Variants in ZBTB21 observed in about 807,000 individuals in gnomAD.
ZBTB21 encodes the protein zinc finger and BTB domain containing 21.
Under a neutral mutation model 39.8 loss-of-function variants are expected in ZBTB21, and 10 were observed. That is an observed-to-expected ratio of 0.25 (90% CI 0.16 to 0.43). ZBTB21 has a LOEUF of 0.43. Ranked by LOEUF, ZBTB21 falls within the 20% of genes least tolerant of loss-of-function variation. The pLI, the probability that ZBTB21 is intolerant of heterozygous loss-of-function variation, is 1.00. For synonymous variants in ZBTB21, 551 were observed against 498.8 expected, an observed-to-expected ratio of 1.10 and a Z score of -1.40; for missense variants, 1,221 against 1,296.3, an observed-to-expected ratio of 0.94 and a Z score of 0.89.
At chr21:42,000,203 G>C (rs2065801026) in intron 2 of ZBTB21, among the ~76,000 whole-genome samples, 1 of 152,152 alleles carries the variant, frequency 6.6e-6, no homozygotes, top group Non-Finnish European at 1.5e-5. Flanking sequence ...GATGGGGTTT[G>C]ACAGAAAAAC....
intron 1 of ZBTB21, chr21:42,007,712 T>C (rs1437794273): frequency 6.6e-6 from 1 of 152,258 alleles, no homozygotes; most frequent in Non-Finnish European, 1.5e-5. Flanking sequence ...GAAAGAACCC[T>C]TGTTTGCATG....
chr21:42,008,791 TAAAC>T (rs762015443), intron 1 of ZBTB21, among the ~76,000 whole-genome samples: 1 of 152,074 alleles, frequency 6.6e-6, no homozygotes, highest in African/African-American at 2.4e-5. Context: ...AAAGGAAAAA[TAAAC>T]AAAAAGTTAC....
In ZBTB21 at chr21:41,987,603, G is replaced by A. The variant is rs1333765358; in HGVS notation, c.*3292C>T. The A allele has an allele frequency of 6.6e-6, 1 of 152,110 alleles. No homozygotes were observed. Among genetic ancestry groups the A allele is most frequent in the Non-Finnish European group, 1.5e-5 (1 of 68,018 alleles). The allele number at this position is 152,110 out of a possible 1,614,324, so 9.4% of individuals were successfully genotyped here. Reference sequence around the variant, plus strand: ...AATTGTCAAACTGACTTGTAATCCAGTTAGATACAATTTATACAGAAATCT... The same window carrying A: ...AATTGTCAAACTGACTTGTAATCCAATTAGATACAATTTATACAGAAATCT... On this transcript the variant is annotated 3_prime_UTR_variant, in exon 3 of 3. Transcript: ENST00000310826.
At chr21:42,001,712 A>G (rs988287016) in intron 2 of ZBTB21, among the ~76,000 whole-genome samples, 1 of 152,240 alleles carries the variant, frequency 6.6e-6, no homozygotes, top group Non-Finnish European at 1.5e-5. Flanking sequence ...AATAACAGCT[A>G]TAATTTGGGT....
At chr21:42,000,417 G>C (rs1005306579) in intron 2 of ZBTB21, among the ~76,000 whole-genome samples, 2 of 152,066 alleles carry the variant, frequency 1.3e-5, no homozygotes, top group African/African-American at 4.8e-5. Flanking sequence ...TCCAAACTAA[G>C]ACACAAACAG....
In ZBTB21 at chr21:41,988,935, T is replaced by A. The variant is rs887917246; in HGVS notation, c.*1960A>T. 4 of 152,140 alleles carry A rather than the reference T, an allele frequency of 2.6e-5. No individual in the cohort carries two copies. The highest frequency in any genetic ancestry group is 7.2e-5 in the African/African-American group (3 of 41,434). The allele number at this position is 152,140 out of a possible 1,614,324, so 9.4% of individuals were successfully genotyped here. A position where few individuals can be genotyped will look rare whatever the true frequency, so the allele number is the denominator to read the frequency against. Reference sequence around the variant, plus strand: ...GTGATGATTACTCAGGGAAACTGTCTTCTTTTGAAGTGACAGCTACCAAGA... The same window carrying A: ...GTGATGATTACTCAGGGAAACTGTCATCTTTTGAAGTGACAGCTACCAAGA... On this transcript the variant is annotated 3_prime_UTR_variant, in exon 3 of 3. Coordinates refer to ENST00000310826, the MANE Select transcript of ZBTB21 (RefSeq NM_001098402.2).
Position 41,992,174 on chromosome 21 carries a change from C to G in ZBTB21, c.1922G>C (p.Arg641Pro). ...IKKALIIKLR[R>P]GKPGFQGQSS... Reference sequence around the variant, plus strand: ...CTGTCCCTGAAAACCAGGCTTGCCGCGCCTTAACTTAATGATCAGGGCCTT... The same window carrying G: ...CTGTCCCTGAAAACCAGGCTTGCCGGGCCTTAACTTAATGATCAGGGCCTT... Residue 641 changes from arginine (R) to proline (P), a missense_variant, in exon 3 of 3, where the codon CGC (arginine) becomes CCC (proline). Arg to Pro is a moderately radical substitution (Grantham distance 103, BLOSUM62 -2). Coordinates refer to ENST00000310826, the MANE Select transcript of ZBTB21 (RefSeq NM_001098402.2). The surrounding 1 kb of genome is among the most constrained non-coding windows in gnomAD (Gnocchi z 4.1). The G allele has an allele frequency of 1.2e-6, 2 of 1,614,162 alleles. No individual in the cohort carries two copies. Among genetic ancestry groups the G allele is most frequent in the Non-Finnish European group, 1.7e-6 (2 of 1,180,030 alleles).
At chr21:41,996,444 G>A (rs1025741706) in intron 2 of ZBTB21, among the ~76,000 whole-genome samples, 1 of 152,212 alleles carries the variant, frequency 6.6e-6, no homozygotes, top group African/African-American at 2.4e-5. Context: ...ACCGGGGCCT[G>A]TAAGCCTCTG....
Position 41,992,715 on chromosome 21 carries a change from A to G in ZBTB21, c.1381T>C (p.Ser461Pro), listed in dbSNP as rs748762686. 17 of 1,614,062 alleles carry G rather than the reference A, an allele frequency of 1.1e-5. No individual in the cohort carries two copies. Among genetic ancestry groups the G allele is most frequent in the Non-Finnish European group, 1.4e-5 (16 of 1,180,048 alleles). Reference protein sequence around the residue: ...AATTAAASSSSVTRDLSLKTE... With the variant: ...AATTAAASSSPVTRDLSLKTE... ...TTCAGAGACAGGTCTCTTGTGACCG[A>G]CGAAGATGAGGCAGCTGCTGTTGTT... The change falls in exon 3 of 3, where the codon TCG becomes CCG. Residue 461 changes from serine to proline, a missense_variant. This residue lies in a region of ZBTB21 where 500 missense variants were observed against 465.6 expected (regional missense o/e 1.07). Coordinates refer to ENST00000310826, the MANE Select transcript of ZBTB21 (RefSeq NM_001098402.2). This position sits in a 1 kb window ranked among gnomAD's most constrained non-coding sequence, Gnocchi z 4.1.
chr21:41,992,717 G>C lies in ZBTB21; in HGVS notation c.1379C>G (p.Ser460Trp). ...CAGAGACAGGTCTCTTGTGACCGAC[G>C]AAGATGAGGCAGCTGCTGTTGTTGC... Reference protein sequence around the residue: ...DAATTAAASSSSVTRDLSLKT... With the variant: ...DAATTAAASSWSVTRDLSLKT... Residue 460 changes from serine to tryptophan, a missense_variant, in exon 3 of 3, where the codon TCG becomes TGG. Transcript: ENST00000310826. This position sits in a 1 kb window ranked among gnomAD's most constrained non-coding sequence, Gnocchi z 4.1. 1.2e-6 allele frequency: 2 copies of C among 1,614,138 alleles called. No individual in the cohort carries two copies. Among genetic ancestry groups the C allele is most frequent in the Non-Finnish European group, 1.7e-6 (2 of 1,180,026 alleles).
chr21:42,003,139 C>T (rs1300190970), intron 1 of ZBTB21, among the ~76,000 whole-genome samples, 178 bp from the exon 2 acceptor site: 1 of 152,262 alleles, frequency 6.6e-6, no homozygotes, highest in Non-Finnish European at 1.5e-5. Flanking sequence ...ACCTGTTAAA[C>T]ATGGCTAACA....
At chr21:42,005,411 C>A (rs116978718) in intron 1 of ZBTB21, among the ~76,000 whole-genome samples, 2 of 152,178 alleles carry the variant, frequency 1.3e-5, no homozygotes, top group Non-Finnish European at 2.9e-5. Context: ...CTTATCTCAA[C>A]GGAGGCCTGA....
At chr21:42,008,186 C>G (rs950763328) in intron 1 of ZBTB21, 5 of 152,170 alleles carry the variant, frequency 3.3e-5, no homozygotes, top group African/African-American at 1.2e-4. Flanking sequence ...GCTCTCTCTA[C>G]TTCCATTGGC....
intron 2 of ZBTB21, among the ~76,000 whole-genome samples, chr21:41,994,567 A>T (rs563342426): frequency 1.3e-5 from 2 of 152,330 alleles, no homozygotes; most frequent in South Asian, 4.1e-4. Context: ...GTGAACTGTT[A>T]ACAATTGGTT....
intron 1 of ZBTB21, 48 bp from the exon 2 acceptor site, chr21:42,003,009 G>C (rs2065836182): frequency 6.6e-6 from 1 of 152,210 alleles, no homozygotes; most frequent in Non-Finnish European, 1.5e-5. Flanking sequence ...ATTCACAGAA[G>C]ACCTTACAGT....
intron 2 of ZBTB21, among the ~76,000 whole-genome samples, chr21:41,994,928 G>A (rs1234313883): frequency 6.6e-6 from 1 of 152,126 alleles, no homozygotes; most frequent in Non-Finnish European, 1.5e-5. Context: ...TTATAAAGAG[G>A]AGTTCCCCTA....
chr21:42,008,540 C>CAAAAAAAAAAA (rs68176203), intron 1 of ZBTB21, among the ~76,000 whole-genome samples: 17 of 60,358 alleles, frequency 2.8e-4, no homozygotes, highest in African/African-American at 8.3e-4. Flanking sequence ...GAAACTCTGT[C>CAAAAAAAAAAA]AAAAAAAAAA....
Position 41,991,051 on chromosome 21 carries a change from T to C in ZBTB21, c.3045A>G (p.Thr1015=). 6.3e-7 allele frequency: 1 copy of C among 1,589,328 alleles called. No individual in the cohort carries two copies. The highest frequency in any genetic ancestry group is 2.2e-5 in the East Asian group (1 of 44,656). The change falls in exon 3 of 3, where the codon ACA becomes ACG. Residue 1015 remains threonine (T), a synonymous_variant. Coordinates refer to ENST00000310826, the MANE Select transcript of ZBTB21 (RefSeq NM_001098402.2). This position sits in a 1 kb window ranked among gnomAD's most constrained non-coding sequence, Gnocchi z 4.9. Reference sequence around the variant, plus strand: ...ATTCTTGGGGCACAAACAGTTTTTCTGTGGCTGGAGTTGGGTTTTCGGACA... The same window carrying C: ...ATTCTTGGGGCACAAACAGTTTTTCCGTGGCTGGAGTTGGGTTTTCGGACA... The part of the protein sequence containing the change: ...TGLSENPTPA[T]EKLFVPQESD...
chr21:42,001,611 A>G (rs2065818736), intron 2 of ZBTB21, among the ~76,000 whole-genome samples: 1 of 152,202 alleles, frequency 6.6e-6, no homozygotes, highest in South Asian at 2.1e-4. Flanking sequence ...TTTTATAGGG[A>G]ATGCTGGGAA....
Sources: allele counts gnomAD v4.1 joint callset (sites outside exome capture counted in the v4.1 genomes callset), GRCh38; gene constraint gnomAD v4.1.1; regional missense constraint gnomAD v4.1.1; non-coding constraint Gnocchi (gnomAD v3.1); transcripts MANE v1.5; gene names NCBI Gene and HGNC (gene_info 2026-07-23, HGNC 2026-07-21).